PRUNE2: variants seen among roughly 807,000 people sequenced by gnomAD.
PRUNE2 encodes protein prune homolog 2.
PRUNE2 carries 164 observed loss-of-function variants against 252.0 expected under a neutral mutation model. The observed-to-expected ratio is 0.65, with a 90% CI of 0.57 to 0.74. PRUNE2 has a LOEUF of 0.74. Ranked by LOEUF, PRUNE2 falls within the 30% of genes least tolerant of loss-of-function variation. PRUNE2 has a pLI of 0.00. For missense variants in PRUNE2, 3,495 were observed against 3,711.0 expected (o/e 0.94, Z 1.51); for synonymous variants, 1,292 against 1,350.2 (o/e 0.96, Z 0.94).
intron 4 of PRUNE2, among the ~76,000 whole-genome samples, chr9:76,844,896 G>A (rs2059585680): frequency 6.6e-6 from 1 of 151,172 alleles, no homozygotes; most frequent in South Asian, 2.1e-4. Context: ...AGGTGCAGTA[G>A]CTCGCACCTT....
intron 6 of PRUNE2, among the ~76,000 whole-genome samples, chr9:76,769,274 T>C (rs183431355): frequency 6.6e-6 from 1 of 152,250 alleles, no homozygotes; most frequent in Non-Finnish European, 1.5e-5. Context: ...AATTTTTTAC[T>C]TCAATACACT....
At chr9:76,757,374 GAGA>G (rs1430779443) in intron 6 of PRUNE2, among the ~76,000 whole-genome samples, 1 of 152,208 alleles carries the variant, frequency 6.6e-6, no homozygotes, top group Non-Finnish European at 1.5e-5. Context: ...CAAACTCAAA[GAGA>G]AGCTTTTTTT....
At chr9:76,850,412 G>A (rs748548025) in intron 3 of PRUNE2, 51 bp downstream of exon 3, 6 of 1,433,014 alleles carry the variant, frequency 4.2e-6, no homozygotes, top group Non-Finnish European at 5.9e-6. Context: ...ACTTTGCCCA[G>A]TAGAACCTTC....
chr9:76,837,165 C>T (rs116942617), intron 4 of PRUNE2, among the ~76,000 whole-genome samples: 6,644 of 152,096 alleles, frequency 0.044, 182 homozygotes, highest in South Asian at 0.076. Context: ...AGTTATTGGC[C>T]GGGCACAGTG....
intron 6 of PRUNE2, among the ~76,000 whole-genome samples, chr9:76,754,607 A>G (rs1453754599): frequency 3.3e-5 from 5 of 152,162 alleles, no homozygotes; most frequent in Non-Finnish European, 4.4e-5. Context: ...CTTGCTTTGC[A>G]TTTGACCAGT....
chr9:76,680,645 C>A (rs976041001), intron 9 of PRUNE2, among the ~76,000 whole-genome samples: 1 of 152,140 alleles, frequency 6.6e-6, no homozygotes, highest in African/African-American at 2.4e-5. Flanking sequence ...GCAACTCAAG[C>A]GCCCATTAAT....
chr9:76,884,854 T>A (rs2061994808), intron 1 of PRUNE2, among the ~76,000 whole-genome samples: 1 of 152,240 alleles, frequency 6.6e-6, no homozygotes, highest in South Asian at 2.1e-4. Flanking sequence ...ACACAGCTCC[T>A]ACTTAGAAAG....
chr9:76,783,175 C>T (rs10869816), intron 6 of PRUNE2, among the ~76,000 whole-genome samples: 33,664 of 152,066 alleles, frequency 0.22, 3,807 homozygotes, highest in South Asian at 0.28. Flanking sequence ...TCCACTCTGT[C>T]GCCCAGGTTC....
intron 6 of PRUNE2, among the ~76,000 whole-genome samples, chr9:76,776,424 T>A (rs1259047573): frequency 6.6e-6 from 1 of 152,166 alleles, no homozygotes; most frequent in Non-Finnish European, 1.5e-5. Context: ...TCACATAGGA[T>A]AATGATCTCC....
chr9:76,900,989 T>G (rs1179759877), intron 1 of PRUNE2, among the ~76,000 whole-genome samples: 4 of 152,180 alleles, frequency 2.6e-5, no homozygotes, highest in African/African-American at 9.7e-5. Context: ...GTTGACAAAA[T>G]AGTCCCCATA....
At chr9:76,808,590 C>T (rs2057142765) in intron 6 of PRUNE2, 1 of 152,332 alleles carries the variant, frequency 6.6e-6, no homozygotes, top group South Asian at 2.1e-4. Flanking sequence ...CAGCCTTCTC[C>T]ATCTCCTACA....
intron 4 of PRUNE2, among the ~76,000 whole-genome samples, chr9:76,840,245 G>A (rs533685916): frequency 1.3e-5 from 2 of 152,300 alleles, no homozygotes; most frequent in East Asian, 3.9e-4. Context: ...TGAAGGAAGA[G>A]TAGGCCCAAC....
chr9:76,881,186 T>C (rs144061950), intron 1 of PRUNE2, among the ~76,000 whole-genome samples: 1,696 of 152,266 alleles, frequency 0.011, 30 homozygotes, highest in African/African-American at 0.038. Flanking sequence ...CAGGCTGGTC[T>C]CGAACTCCTG....
At position 76,616,957 on chromosome 9, in the gene PRUNE2, AAAAT is replaced by A. The variant is rs200860262; in HGVS notation, c.9237-2361_9237-2358del. Among the ~76,000 whole-genome samples the A allele has an allele frequency of 1.5e-4, 23 of 151,434 alleles. 1 individual carries two copies. Among genetic ancestry groups the A allele is most frequent in the Admixed American group, 7.2e-4 (11 of 15,264 alleles). On this transcript the variant is annotated intron_variant, in intron 18 of 18. Transcript: ENST00000376718. ...GGAGACAAGCACCCAGGGCTATTTA[AAAAT>A]AAATAAATAAATAAATACATAAATA... is the stretch of plus-strand genomic sequence containing the variant.
intron 4 of PRUNE2, among the ~76,000 whole-genome samples, chr9:76,827,420 A>G (rs1317403586): frequency 6.6e-6 from 1 of 152,164 alleles, no homozygotes; most frequent in African/African-American, 2.4e-5. Flanking sequence ...GGATAATCTC[A>G]TCTTGAAAGG....
intron 11 of PRUNE2, among the ~76,000 whole-genome samples, chr9:76,649,916 G>A (rs1426297545): frequency 6.8e-6 from 1 of 147,252 alleles, no homozygotes; most frequent in Non-Finnish European, 1.5e-5. Flanking sequence ...AAACCTTTAG[G>A]CATTTGGTAG....
chr9:76,656,936 C>T (rs747457668), intron 9 of PRUNE2, among the ~76,000 whole-genome samples: 1 of 152,092 alleles, frequency 6.6e-6, no homozygotes, highest in Non-Finnish European at 1.5e-5. Flanking sequence ...GTAAGACAGA[C>T]AATAATGTAT....
At chr9:76,814,003 G>A (rs777824117) in intron 6 of PRUNE2, among the ~76,000 whole-genome samples, 13 of 152,094 alleles carry the variant, frequency 8.5e-5, no homozygotes, top group Non-Finnish European at 1.2e-4. Flanking sequence ...TAGTAGAGAC[G>A]GGGTTTCACC....
chr9:76,700,839 T>C (rs530911311), intron 9 of PRUNE2, among the ~76,000 whole-genome samples: 13 of 152,206 alleles, frequency 8.5e-5, no homozygotes, highest in African/African-American at 2.2e-4. Flanking sequence ...TGTATAATTC[T>C]TGTCTCGCAG....
Sources: allele counts gnomAD v4.1 joint callset (sites outside exome capture counted in the v4.1 genomes callset), GRCh38; gene constraint gnomAD v4.1.1; transcripts MANE v1.5; gene names NCBI Gene and HGNC (gene_info 2026-07-23, HGNC 2026-07-21).